Variants in EPHB1 observed in about 807,000 individuals in gnomAD.
EPHB1 encodes the protein ephrin type-B receptor 1.
EPHB1 carries 30 observed loss-of-function variants against 94.4 expected under a neutral mutation model. That is an observed-to-expected ratio of 0.32 (90% CI 0.24 to 0.43). The LOEUF is 0.43. EPHB1 is among the 20% of genes least tolerant of loss of function. The pLI, the probability that EPHB1 is intolerant of heterozygous loss-of-function variation, is 1.00. For synonymous variants in EPHB1, 522 were observed against 489.1 expected (o/e 1.07, Z -0.89); for missense variants, 1,055 against 1,308.3 (o/e 0.81, Z 2.99).
intron 1 of EPHB1, among the ~76,000 whole-genome samples, chr3:134,828,104 G>A (rs1406702074): frequency 6.6e-6 from 1 of 152,176 alleles, no homozygotes; most frequent in Non-Finnish European, 1.5e-5. Context: ...CTGTGCTATG[G>A]ACTCCTGCCT....
chr3:134,855,673 A>G (rs536565254), intron 1 of EPHB1, among the ~76,000 whole-genome samples: 1 of 147,788 alleles, frequency 6.8e-6, no homozygotes, highest in Non-Finnish European at 1.5e-5. Flanking sequence ...ACATTTTTTC[A>G]GTATCTGTAG....
intron 2 of EPHB1, among the ~76,000 whole-genome samples, chr3:134,936,622 C>G (rs2039008706): frequency 6.6e-6 from 1 of 152,128 alleles, no homozygotes; most frequent in African/African-American, 2.4e-5. Context: ...AGGCTGGGGT[C>G]CCATCGTGGC....
At chr3:135,094,209 G>A (rs1251203311) in intron 3 of EPHB1, among the ~76,000 whole-genome samples, 2 of 152,184 alleles carry the variant, frequency 1.3e-5, no homozygotes, top group African/African-American at 2.4e-5. Context: ...CCTTGCTGGT[G>A]TCTGGCTGCT....
chr3:135,103,028 A>G (rs892379553), intron 3 of EPHB1, among the ~76,000 whole-genome samples: 7 of 152,176 alleles, frequency 4.6e-5, no homozygotes, highest in African/African-American at 7.2e-5. Context: ...TAATGCATGC[A>G]GGGCTTAAAA....
chr3:134,987,227 C>T (rs1013932442), intron 3 of EPHB1, among the ~76,000 whole-genome samples: 5 of 152,222 alleles, frequency 3.3e-5, no homozygotes, highest in East Asian at 3.9e-4. Flanking sequence ...AAGTATATTG[C>T]GTGCGTTAAT....
rs112509346 is a variant in EPHB1, at chr3:135,120,417, G to C, written c.962-12297G>C. On this transcript the variant is annotated intron_variant, in intron 4 of 15. Transcript: ENST00000398015. Reference sequence around the variant, plus strand: ...GATTATTAACAGATGACAGTGTAGTGGTGGGAATAGTGAGCTTTCTTCTGC... The same window carrying C: ...GATTATTAACAGATGACAGTGTAGTCGTGGGAATAGTGAGCTTTCTTCTGC... Among the ~76,000 whole-genome samples the C allele has an allele frequency of 3.4e-3, 524 of 152,252 alleles. 1 individual carries two copies. Among genetic ancestry groups the C allele is most frequent in the Middle Eastern group, 6.8e-3 (2 of 294 alleles).
chr3:134,879,361 G>A (rs2037681378), intron 1 of EPHB1, among the ~76,000 whole-genome samples: 1 of 152,186 alleles, frequency 6.6e-6, no homozygotes, highest in South Asian at 2.1e-4. Flanking sequence ...TGAAGGCCGG[G>A]CATGGTGGCT....
intron 3 of EPHB1, among the ~76,000 whole-genome samples, chr3:134,967,912 C>T (rs939489628): frequency 3.9e-5 from 6 of 152,322 alleles, no homozygotes; most frequent in African/African-American, 1.4e-4. Context: ...TTTCAGGAGT[C>T]CACACTCAGT....
At chr3:135,134,092 G>C (rs1260792930) in intron 5 of EPHB1, among the ~76,000 whole-genome samples, 1 of 152,244 alleles carries the variant, frequency 6.6e-6, no homozygotes, top group African/African-American at 2.4e-5. Flanking sequence ...CTCTCTCCCG[G>C]GGTTACCGTG....
intron 9 of EPHB1, among the ~76,000 whole-genome samples, chr3:135,178,224 A>AGG (rs36017335): frequency 0.26 from 35,659 of 139,194 alleles, 5,432 homozygotes; most frequent in East Asian, 0.48. Context: ...GAGGCCGGGG[A>AGG]GGGGGGGTGG....
intron 1 of EPHB1, among the ~76,000 whole-genome samples, chr3:134,839,065 A>G (rs1331842207): frequency 6.6e-6 from 1 of 152,244 alleles, no homozygotes; most frequent in African/African-American, 2.4e-5. Flanking sequence ...CATTGTATCA[A>G]GCGTTTTATA....
chr3:135,232,420 C>T (rs937735058), intron 12 of EPHB1, among the ~76,000 whole-genome samples: 1 of 152,194 alleles, frequency 6.6e-6, no homozygotes, highest in African/African-American at 2.4e-5. Context: ...TGCACAGACC[C>T]TCACTCGCAA....
intron 1 of EPHB1, among the ~76,000 whole-genome samples, chr3:134,821,535 A>G (rs182675610): frequency 1.2e-4 from 18 of 152,264 alleles, no homozygotes; most frequent in Admixed American, 3.9e-4. Context: ...TGGGGTGGGG[A>G]GACAGAATTA....
chr3:134,822,209 G>T (rs2036395096), intron 1 of EPHB1, among the ~76,000 whole-genome samples: 1 of 152,134 alleles, frequency 6.6e-6, no homozygotes, highest in African/African-American at 2.4e-5. Flanking sequence ...GTGGCTCCTG[G>T]GGTCCTATCT....
intron 11 of EPHB1, among the ~76,000 whole-genome samples, chr3:135,199,997 G>C (rs6439561): frequency 0.69 from 104,504 of 152,032 alleles, 36,528 homozygotes; most frequent in African/African-American, 0.83. Flanking sequence ...GGATGCAGGT[G>C]GTGGTTGCCT....
rs146572762 is a variant in EPHB1 at position 135,070,970 on chromosome 3, C to T, written c.806-35478C>T. Among the ~76,000 whole-genome samples, 24 of 152,250 alleles carry T rather than the reference C, an allele frequency of 1.6e-4. No homozygotes were observed. In the East Asian group the frequency reaches 2.5e-3, roughly 16 times the overall value. ...TGGTCAAGTGTTCATTATACTACAG[C>T]GTCACTCTGGCCAGGGAGGGTCAGA... On this transcript the variant is annotated intron_variant, in intron 3 of 15. Coordinates refer to ENST00000398015, the MANE Select transcript of EPHB1 (RefSeq NM_004441.5).
chr3:134,941,745 GCACACAGACACACACA>G (rs1054496646), intron 2 of EPHB1, among the ~76,000 whole-genome samples: 3 of 92,692 alleles, frequency 3.2e-5, no homozygotes, highest in African/African-American at 1.6e-4. Flanking sequence ...CTTTACATAT[GCACACAGACACACACA>G]CACACACACA....
At chr3:135,040,448 G>A (rs1193499350) in intron 3 of EPHB1, among the ~76,000 whole-genome samples, 1 of 152,224 alleles carries the variant, frequency 6.6e-6, no homozygotes, top group East Asian at 1.9e-4. Flanking sequence ...TGCAGCATTG[G>A]GAGGGATGGG....
At chr3:135,196,994 C>T (rs763118512) in intron 11 of EPHB1, among the ~76,000 whole-genome samples, 5 of 151,726 alleles carry the variant, frequency 3.3e-5, no homozygotes, top group East Asian at 1.9e-4. Context: ...CGGTGGCTCA[C>T]GCCTGTAATC....
Sources: gnomAD v4.1 joint callset for allele counts (sites outside exome capture counted in the v4.1 genomes callset) on GRCh38, gnomAD v4.1.1 for gene constraint, MANE v1.5 for transcripts, NCBI Gene and HGNC (gene_info 2026-07-23, HGNC 2026-07-21) for gene names.